YAF2: variants seen among roughly 807,000 people sequenced by gnomAD.
YAF2 encodes YY1 associated factor 2.
A neutral mutation model predicts 20.1 loss-of-function variants in YAF2; 7 were observed. The observed-to-expected ratio is 0.35, with a 90% CI of 0.20 to 0.65. The LOEUF (loss-of-function observed/expected upper bound fraction) is 0.65. Ranked by LOEUF, YAF2 falls within the 30% of genes least tolerant of loss-of-function variation. YAF2 has a pLI of 0.69. For synonymous variants in YAF2, 74 were observed against 76.0 expected, an observed-to-expected ratio of 0.97 and a Z score of 0.14; for missense variants, 151 against 219.2, an observed-to-expected ratio of 0.69 and a Z score of 1.96.
intron 2 of YAF2, among the ~76,000 whole-genome samples, chr12:42,182,327 A>G (rs2066364489): frequency 6.6e-6 from 1 of 152,214 alleles, no homozygotes; most frequent in Non-Finnish European, 1.5e-5. Context: ...ACACTATTAC[A>G]TGGTAACAGG....
intron 2 of YAF2, chr12:42,235,214 T>C (rs2068109500): frequency 9.0e-6 from 9 of 994,774 alleles, no homozygotes; most frequent in Non-Finnish European, 1.1e-5. Flanking sequence ...CCTTCTGCTC[T>C]GCAGCTATCC....
At chr12:42,233,576 A>G (rs761925005) in intron 2 of YAF2, 1 of 784,060 alleles carries the variant, frequency 1.3e-6, no homozygotes, top group East Asian at 1.3e-4. Context: ...CAGTGGTATG[A>G]TCACAGCTCA....
At chr12:42,195,159 T>G (rs765373157) in intron 2 of YAF2, among the ~76,000 whole-genome samples, 1 of 152,076 alleles carries the variant, frequency 6.6e-6, no homozygotes, top group African/African-American at 2.4e-5. Flanking sequence ...TAAAGAAATC[T>G]AGAGAGAGAG....
chr12:42,228,266 C>G (rs1274761014), intron 2 of YAF2, among the ~76,000 whole-genome samples: 1 of 74,936 alleles, frequency 1.3e-5, no homozygotes, highest in Non-Finnish European at 2.4e-5. Flanking sequence ...GCCCCCCGCC[C>G]GCGCCAGCCG....
intron 2 of YAF2, among the ~76,000 whole-genome samples, chr12:42,217,420 C>G: frequency 6.6e-6 from 1 of 152,114 alleles, no homozygotes; most frequent in East Asian, 1.9e-4. Context: ...CATATTCCAT[C>G]TAACTCACAA....
At chr12:42,224,337 AATC>A (rs1261183845) in intron 2 of YAF2, among the ~76,000 whole-genome samples, 1 of 152,176 alleles carries the variant, frequency 6.6e-6, no homozygotes, top group Non-Finnish European at 1.5e-5. Flanking sequence ...TAACTTTAAA[AATC>A]ATTCAACAGA....
chr12:42,187,996 T>C (rs1228974128), intron 2 of YAF2, among the ~76,000 whole-genome samples: 1 of 152,194 alleles, frequency 6.6e-6, no homozygotes, highest in Admixed American at 6.5e-5. Flanking sequence ...GAGTCAAGCC[T>C]TCAGGTAACT....
chr12:42,161,520 T>C, intron 3 of YAF2, 93 bp downstream of exon 3: 2 of 1,352,636 alleles, frequency 1.5e-6, no homozygotes, highest in Non-Finnish European at 1.9e-6. Context: ...CCAAATATTT[T>C]ACTTCCACTT....
At chr12:42,170,084 C>A (rs886229385) in intron 2 of YAF2, among the ~76,000 whole-genome samples, 3 of 151,936 alleles carry the variant, frequency 2.0e-5, no homozygotes, top group Admixed American at 6.6e-5. Context: ...GTGGCCCAGG[C>A]TAGTCTCAAA....
intron 2 of YAF2, among the ~76,000 whole-genome samples, chr12:42,195,958 A>G (rs1408620764): frequency 6.6e-6 from 1 of 151,984 alleles, no homozygotes; most frequent in East Asian, 1.9e-4. Context: ...ACAGTGGCTC[A>G]TACCTGTAAT....
chr12:42,177,810 T>C (rs1489381487), intron 2 of YAF2, among the ~76,000 whole-genome samples: 1 of 152,176 alleles, frequency 6.6e-6, no homozygotes, highest in African/African-American at 2.4e-5. Context: ...TTACTGTATA[T>C]GAATGCCAGA....
At chr12:42,192,082 CA>C (rs1481038430) in intron 2 of YAF2, among the ~76,000 whole-genome samples, 4 of 149,048 alleles carry the variant, frequency 2.7e-5, no homozygotes, top group Non-Finnish European at 5.9e-5. Flanking sequence ...TTAAATAATA[CA>C]AAAAGTGTTA....
rs188079755 is a variant in YAF2 at position 42,171,080 on chromosome 12, T to G, written c.153-9315A>C. Reference sequence around the variant, plus strand: ...TGATCTCGGCTAACTGCAACCTCCGTCTCCTGGGTTCAAGCAATCCTCCTG... The same window carrying G: ...TGATCTCGGCTAACTGCAACCTCCGGCTCCTGGGTTCAAGCAATCCTCCTG... On this transcript the variant is annotated intron_variant, in intron 2 of 3. Coordinates refer to ENST00000534854, the MANE Select transcript of YAF2 (RefSeq NM_005748.6). Among the ~76,000 whole-genome samples the G allele has an allele frequency of 1.3e-3, 203 of 151,832 alleles. 1 individual carries two copies. Among genetic ancestry groups the G allele is most frequent in the African/African-American group, 4.5e-3 (185 of 41,412 alleles).
chr12:42,212,405 A>G (rs992795062), intron 2 of YAF2: 1 of 433,894 alleles, frequency 2.3e-6, no homozygotes, highest in Middle Eastern at 3.4e-4. Context: ...ATACAGATAT[A>G]TTTTAATACC....
At chr12:42,232,666 A>G (rs2068017888) in intron 2 of YAF2, 1 of 985,324 alleles carries the variant, frequency 1.0e-6, no homozygotes, top group African/African-American at 1.7e-5. Flanking sequence ...TTCCTACACC[A>G]AAAGTCTAGA....
chr12:42,232,585 G>A, intron 2 of YAF2: 1 of 985,432 alleles, frequency 1.0e-6, no homozygotes, highest in Non-Finnish European at 1.2e-6. Context: ...CAGATAGACA[G>A]GAGGCGGCTC....
chr12:42,211,165 G>T (rs1382479943), intron 2 of YAF2, among the ~76,000 whole-genome samples: 1 of 151,998 alleles, frequency 6.6e-6, no homozygotes, highest in Non-Finnish European at 1.5e-5. Context: ...GGTGGCTCAC[G>T]CCTGTAATCC....
intron 2 of YAF2, among the ~76,000 whole-genome samples, chr12:42,190,008 A>G (rs900667600): frequency 1.3e-4 from 20 of 152,214 alleles, no homozygotes; most frequent in African/African-American, 4.3e-4. Context: ...CTGTTTTAAT[A>G]TATTATACAA....
At chr12:42,226,471 G>A (rs962129088) in intron 2 of YAF2, among the ~76,000 whole-genome samples, 2 of 152,058 alleles carry the variant, frequency 1.3e-5, no homozygotes, top group Non-Finnish European at 2.9e-5. Flanking sequence ...AGACCAGACT[G>A]GGCAACATAG....
Sources: allele counts gnomAD v4.1 joint callset (sites outside exome capture counted in the v4.1 genomes callset), GRCh38; gene constraint gnomAD v4.1.1; transcripts MANE v1.5; gene names NCBI Gene and HGNC (gene_info 2026-07-23, HGNC 2026-07-21).